Variants in EHMT1 observed in about 807,000 individuals in gnomAD.
EHMT1 encodes the protein histone-lysine N-methyltransferase EHMT1.
Under a neutral mutation model 147.2 loss-of-function variants are expected in EHMT1, and 15 were observed. That is an observed-to-expected ratio of 0.10 (90% CI 0.07 to 0.16). The LOEUF is 0.16. EHMT1 is among the 10% of genes least tolerant of loss of function. The probability of loss-of-function intolerance (pLI) is 1.00; values close to 1 mark genes in which losing one functional copy is unlikely to be tolerated. For missense variants in EHMT1, 1,587 were observed against 1,772.4 expected (o/e 0.90, Z 1.88); for synonymous variants, 795 against 709.6 (o/e 1.12, Z -1.91).
intron 19 of EHMT1, 87 bp from the exon 20 acceptor site, chr9:137,812,919 G>A (rs1954610721): frequency 6.4e-7 from 1 of 1,551,336 alleles, no homozygotes; most frequent in Non-Finnish European, 8.9e-7. Flanking sequence ...TTTATTGTTA[G>A]TGATGACGGA....
chr9:137,637,893 T>C (rs897520986), intron 1 of EHMT1, among the ~76,000 whole-genome samples: 39 of 152,242 alleles, frequency 2.6e-4, no homozygotes, highest in African/African-American at 9.4e-4. Context: ...TGAGTTATCT[T>C]TGTTGTTGTG....
chr9:137,743,821 C>T, intron 5 of EHMT1, 81 bp from the exon 6 acceptor site: 6 of 1,503,262 alleles, frequency 4.0e-6, no homozygotes, highest in Non-Finnish European at 4.5e-6. Flanking sequence ...CTCCCAGTCA[C>T]CCAAGACTCC....
chr9:137,762,538 G>A (rs1476257201), intron 9 of EHMT1, 137 bp from the exon 10 acceptor site: 3 of 1,477,316 alleles, frequency 2.0e-6, no homozygotes, highest in African/African-American at 1.4e-5. Context: ...ACGCAGGGCT[G>A]TTTGTGCTGG....
At position 137,732,363 on chromosome 9, in the gene EHMT1, G is replaced by A. The variant is rs1038339921; in HGVS notation, c.823+3834G>A. 2.6e-5 allele frequency among the ~76,000 whole-genome samples: 4 copies of A among 152,250 alleles called. No individual in the cohort carries two copies. Among genetic ancestry groups the A allele is most frequent in the African/African-American group, 4.8e-5 (2 of 41,466 alleles). ...TTGCACCCGCTGTTGCGTGGGTCCC[G>A]AGTTCTTGTCTTGGGTCCAGGAAGA... On this transcript the variant is annotated intron_variant, in intron 4 of 26. Transcript: ENST00000460843. This position sits in a 1 kb window ranked among gnomAD's most constrained non-coding sequence, Gnocchi z 4.6.
chr9:137,798,771 C>T (rs764331364), intron 16 of EHMT1, 42 bp from the exon 17 acceptor site: 4 of 1,524,818 alleles, frequency 2.6e-6, no homozygotes, highest in Non-Finnish European at 3.6e-6. Flanking sequence ...ACACCAGGAT[C>T]ACAGGTATGG....
Position 137,744,169 on chromosome 9 carries a change from G to T in EHMT1, c.1170+79G>T, listed in dbSNP as rs780254676. On this transcript the variant is annotated intron_variant, in intron 6 of 26. Coordinates refer to ENST00000460843, the MANE Select transcript of EHMT1 (RefSeq NM_024757.5). ...CCGTGGTTCTGAAAATTAACAGTCT[G>T]GTCACTTCTAGACCCTGATAAAATC... 2.7e-6 allele frequency: 4 copies of T among 1,498,952 alleles called. No homozygotes were observed. The African/African-American group carries it at 5.5e-5, about 21-fold the overall frequency. 92.9% of individuals were successfully genotyped at this position (1,498,952 alleles called of 1,614,324 possible). A position where few individuals can be genotyped will look rare whatever the true frequency, so the allele number is the denominator to read the frequency against.
At chr9:137,686,461 C>A (rs111284018) in intron 1 of EHMT1, among the ~76,000 whole-genome samples, 2 of 151,986 alleles carry the variant, frequency 1.3e-5, no homozygotes, top group African/African-American at 4.8e-5. Context: ...GCAATCACAG[C>A]TCACTCTAGC....
At chr9:137,712,086 C>G (rs1475504592) in intron 2 of EHMT1, among the ~76,000 whole-genome samples, 1 of 152,230 alleles carries the variant, frequency 6.6e-6, no homozygotes, top group Non-Finnish European at 1.5e-5. Context: ...CCTGCGCCAT[C>G]CACCTCCTGC....
At chr9:137,621,501 A>G (rs772633526) in intron 1 of EHMT1, among the ~76,000 whole-genome samples, 3 of 152,214 alleles carry the variant, frequency 2.0e-5, no homozygotes, top group African/African-American at 7.2e-5. Context: ...GTTCGAGACC[A>G]GTCTGGCCAA....
intron 1 of EHMT1, chr9:137,637,655 T>G (rs911700743): frequency 6.6e-6 from 1 of 152,216 alleles, no homozygotes; most frequent in African/African-American, 2.4e-5. Flanking sequence ...GTGTGTTATC[T>G]TTGTGTATTT....
At chr9:137,697,428 G>T (rs1474087584) in intron 1 of EHMT1, among the ~76,000 whole-genome samples, 1 of 152,196 alleles carries the variant, frequency 6.6e-6, no homozygotes, top group Non-Finnish European at 1.5e-5. Context: ...CTGCCCACTG[G>T]GATCGGCCGG....
rs111398125 is a variant in EHMT1, at chr9:137,810,240, G to T, written c.2713-1221G>T. On this transcript the variant is annotated intron_variant, in intron 18 of 26. Transcript: ENST00000460843. ...CCGGAGGCGGTTCCGATGCCGCCCC[G>T]CGTGGACCGTCGGTGATGGGTCCGG... is the stretch of plus-strand genomic sequence containing the variant. 3.3e-4 allele frequency among the ~76,000 whole-genome samples: 37 copies of T among 111,066 alleles called. 1 individual carries two copies. The African/African-American group carries it at 3.7e-3, about 11-fold the overall frequency. The allele number at this position is 111,066 out of a possible 152,430, so 72.9% of individuals were successfully genotyped here.
chr9:137,775,327 T>C lies in EHMT1; in HGVS notation c.1791+75T>C. ...TGCTCACTGGTGCTGGTTCCTGTCC[T>C]GTGTCCACCTGCTGTCGGGTGGTCC... On this transcript the variant is annotated intron_variant, in intron 11 of 26. Transcript: ENST00000460843. The surrounding 1 kb of genome is among the most constrained non-coding windows in gnomAD (Gnocchi z 6.1). 2 of 1,573,702 alleles carry C rather than the reference T, an allele frequency of 1.3e-6. No homozygotes were observed. Among genetic ancestry groups the C allele is most frequent in the Non-Finnish European group, 1.7e-6 (2 of 1,165,412 alleles).
intron 15 of EHMT1, chr9:137,788,252 C>A: frequency 2.2e-6 from 1 of 451,264 alleles, no homozygotes; most frequent in Non-Finnish European, 3.9e-6. Context: ...CTAGCAGGGA[C>A]TGCATGCTGA....
At chr9:137,757,325 G>C (rs909923924) in intron 8 of EHMT1, among the ~76,000 whole-genome samples, 1 of 152,186 alleles carries the variant, frequency 6.6e-6, no homozygotes, top group Non-Finnish European at 1.5e-5. Context: ...TGAGCCTCCC[G>C]TGTTTACTGG....
chr9:137,680,897 G>C (rs536013875), intron 1 of EHMT1: 2 of 152,366 alleles, frequency 1.3e-5, no homozygotes, highest in Admixed American at 1.3e-4. Flanking sequence ...GCCGGGGCTC[G>C]TGGTGATCTG....
intron 1 of EHMT1, among the ~76,000 whole-genome samples, chr9:137,622,009 C>G (rs1842967133): frequency 6.6e-6 from 1 of 150,972 alleles, no homozygotes. Context: ...TACATGTGCA[C>G]AACGTGCAGG....
At chr9:137,816,883 C>CT (rs911493910) in intron 23 of EHMT1, 2 of 197,150 alleles carry the variant, frequency 1.0e-5, no homozygotes, top group Non-Finnish European at 2.1e-5. Flanking sequence ...GCACGTGGTT[C>CT]TGAGGGCTCC....
At chr9:137,713,114 C>T (rs1367755092) in intron 2 of EHMT1, among the ~76,000 whole-genome samples, 1 of 152,014 alleles carries the variant, frequency 6.6e-6, no homozygotes, top group Non-Finnish European at 1.5e-5. Context: ...GTAAGATTTT[C>T]TTTTCTTTAG....
Sources: allele counts gnomAD v4.1 joint callset (sites outside exome capture counted in the v4.1 genomes callset), GRCh38; gene constraint gnomAD v4.1.1; non-coding constraint Gnocchi (gnomAD v3.1); transcripts MANE v1.5; gene names NCBI Gene and HGNC (gene_info 2026-07-23, HGNC 2026-07-21).